Variants in NCOR2 observed in about 807,000 individuals in gnomAD.
NCOR2 encodes nuclear receptor corepressor 2, also known as CTG repeat protein 26.
A neutral mutation model predicts 262.9 loss-of-function variants in NCOR2; 81 were observed. The ratio of observed to expected loss-of-function variants is 0.31; its 90% confidence interval spans 0.26 to 0.37. The LOEUF (loss-of-function observed/expected upper bound fraction) is 0.37, where lower values mean the gene tolerates loss of function less well. NCOR2 is among the 10% of genes least tolerant of loss of function. The pLI is 1.00. For missense variants in NCOR2, 3,385 were observed against 3,621.4 expected (o/e 0.93, Z 1.68); for synonymous variants, 1,659 against 1,559.3 (o/e 1.06, Z -1.51).
chr12:124,487,463 C>T (rs1020980437), intron 1 of NCOR2, among the ~76,000 whole-genome samples: 5 of 152,278 alleles, frequency 3.3e-5, no homozygotes, highest in Non-Finnish European at 7.3e-5. Context: ...CTGAGTCAAG[C>T]TCCTCTGACC....
intron 10 of NCOR2, among the ~76,000 whole-genome samples, chr12:124,427,306 C>T (rs2136329424): frequency 6.6e-6 from 1 of 152,290 alleles, no homozygotes; most frequent in African/African-American, 2.4e-5. Context: ...ACGCCCCCTC[C>T]CGGCACCCCG....
intron 1 of NCOR2, among the ~76,000 whole-genome samples, chr12:124,560,285 G>A (rs1296415346): frequency 6.6e-6 from 1 of 152,226 alleles, no homozygotes; most frequent in Non-Finnish European, 1.5e-5. Flanking sequence ...CTTTGCAAAC[G>A]CTGTACCCAA....
intron 6 of NCOR2, among the ~76,000 whole-genome samples, chr12:124,452,672 T>G (rs2045619224): frequency 6.6e-6 from 1 of 152,204 alleles, no homozygotes; most frequent in Non-Finnish European, 1.5e-5. Context: ...GAGGGGACAG[T>G]GCTTCTGCGG....
At position 124,481,602 on chromosome 12, in the gene NCOR2, G is replaced by T. The variant is rs1343518527; in HGVS notation, c.411+1994C>A. On this transcript the variant is annotated intron_variant, in intron 3 of 46. Coordinates refer to ENST00000405201, the Ensembl canonical transcript of NCOR2. The surrounding 1 kb of genome is among the most constrained non-coding windows in gnomAD (Gnocchi z 4.6). The stretch of plus-strand genomic sequence containing the variant: ...AGGTCCCCAGGTGGGAATGTGCCTG[G>T]CGTGTTTGAGGAACTCCAGGGTGGC... Among the ~76,000 whole-genome samples the T allele has an allele frequency of 6.6e-6, 1 of 152,206 alleles. No homozygotes were observed. Among genetic ancestry groups the T allele is most frequent in the Non-Finnish European group, 1.5e-5 (1 of 68,018 alleles).
At chr12:124,520,918 AGGCCACAGGGGCCAGGACAGTG>A (rs1372755782) in intron 1 of NCOR2, among the ~76,000 whole-genome samples, 3 of 152,194 alleles carry the variant, frequency 2.0e-5, no homozygotes, top group Admixed American at 1.3e-4. Context: ...GATTCACCGC[AGGCCACAGGGGCCAGGACAGTG>A]GGCCAAAGGG....
intron 5 of NCOR2, among the ~76,000 whole-genome samples, chr12:124,462,956 C>T (rs1354091877): frequency 6.6e-6 from 1 of 152,156 alleles, no homozygotes; most frequent in African/African-American, 2.4e-5. Flanking sequence ...TTGCCGCTTC[C>T]ATCAATCCTG....
At chr12:124,385,791 T>C in exon 17 of NCOR2, 2 of 1,614,074 alleles carry the variant, frequency 1.2e-6, no homozygotes, top group Non-Finnish European at 1.7e-6. Flanking sequence ...GTTCTGCCTC[T>C]TCTTGTAGTT....
intron 17 of NCOR2, 68 bp downstream of exon 19, chr12:124,385,677 C>T (rs1315499539): frequency 1.9e-6 from 3 of 1,583,936 alleles, no homozygotes; most frequent in African/African-American, 1.3e-5. Flanking sequence ...GCAGAGACAT[C>T]TCCTGAGGCA....
At chr12:124,358,453 G>C (rs1173919082) in intron 22 of NCOR2, among the ~76,000 whole-genome samples, 1 of 152,022 alleles carries the variant, frequency 6.6e-6, no homozygotes, top group Non-Finnish European at 1.5e-5. Flanking sequence ...GGCGGGCAGT[G>C]GGGGGTTATA....
intron 7 of NCOR2, 74 bp from the exon 10 acceptor site, chr12:124,438,070 C>T (rs1411142180): frequency 5.5e-6 from 8 of 1,445,678 alleles, no homozygotes; most frequent in Non-Finnish European, 9.5e-7. Flanking sequence ...ATCCTGTTTG[C>T]TGAGAGTGAG....
chr12:124,513,079 A>T (rs938579831), intron 1 of NCOR2: 11 of 152,328 alleles, frequency 7.2e-5, no homozygotes, highest in Non-Finnish European at 1.3e-4. Flanking sequence ...GGCCCCTGGC[A>T]ATCACCACCT....
chr12:124,332,976 C>T (rs780091864), intron 42 of NCOR2, among the ~76,000 whole-genome samples, 154 bp downstream of exon 44: 28 of 152,180 alleles, frequency 1.8e-4, no homozygotes, highest in Non-Finnish European at 3.7e-4. Context: ...TATCACACCC[C>T]CAAGTTGGTG....
chr12:124,345,458 T>TGG (rs940725821), intron 31 of NCOR2, among the ~76,000 whole-genome samples: 1 of 151,946 alleles, frequency 6.6e-6, no homozygotes, highest in South Asian at 2.1e-4. Context: ...GGTGAGGAAA[T>TGG]GGGGGGGTCA....
intron 43 of NCOR2, 47 bp downstream of exon 45, chr12:124,332,272 G>A (rs765606257): frequency 8.1e-6 from 13 of 1,607,398 alleles, no homozygotes; most frequent in South Asian, 4.4e-5. Context: ...CAGGCCACCC[G>A]CCCACCTGTG....
chr12:124,429,772 T>C, intron 9 of NCOR2, 66 bp from the exon 12 acceptor site: 2 of 1,445,210 alleles, frequency 1.4e-6, no homozygotes, highest in Non-Finnish European at 1.9e-6. Flanking sequence ...CAGACCCCTG[T>C]GGCGCAGCCC....
At chr12:124,339,892 T>TCCCCCCCCCCCCCCC in intron 37 of NCOR2, 114 bp downstream of exon 39, 9 of 672,808 alleles carry the variant, frequency 1.3e-5, no homozygotes, top group African/African-American at 2.0e-5. Context: ...CCCACACATC[T>TCCCCCCCCCCCCCCC]GCCCACCCAC....
intron 23 of NCOR2, among the ~76,000 whole-genome samples, chr12:124,355,831 CCT>C (rs761339854): frequency 5.9e-5 from 9 of 152,306 alleles, no homozygotes; most frequent in Non-Finnish European, 8.8e-5. Flanking sequence ...ATCTGGATCC[CCT>C]GTCTCCCCAT....
At chr12:124,453,364 G>T (rs2045662978) in intron 6 of NCOR2, among the ~76,000 whole-genome samples, 1 of 152,204 alleles carries the variant, frequency 6.6e-6, no homozygotes, top group African/African-American at 2.4e-5. Flanking sequence ...GCCTAGATGC[G>T]TGTGGAGCCT....
At chr12:124,540,105 G>A (rs1566039435), upstream of NCOR2, among the ~76,000 whole-genome samples, 1 of 149,514 alleles carries the variant, frequency 6.7e-6, no homozygotes. Flanking sequence ...AGGGGCCAAG[G>A]TCACACACAC....
Sources: gnomAD v4.1 joint callset for allele counts (sites outside exome capture counted in the v4.1 genomes callset) on GRCh38, gnomAD v4.1.1 for gene constraint, Gnocchi (gnomAD v3.1) non-coding constraint, MANE v1.5 for transcripts, NCBI Gene and HGNC (gene_info 2026-07-23, HGNC 2026-07-21) for gene names.